Variants in NRG1 observed in about 807,000 individuals in gnomAD.
The protein encoded by NRG1 is pro-neuregulin-1, membrane-bound isoform.
NRG1 carries 18 observed loss-of-function variants against 63.8 expected under a neutral mutation model. That is an observed-to-expected ratio of 0.28 (90% CI 0.19 to 0.42). The LOEUF (loss-of-function observed/expected upper bound fraction) is 0.42, where lower values mean the gene tolerates loss of function less well. NRG1 is among the 10% of genes least tolerant of loss of function. The pLI, the probability that NRG1 is intolerant of heterozygous loss-of-function variation, is 1.00. For synonymous variants in NRG1, 302 were observed against 301.3 expected, an observed-to-expected ratio of 1.00 and a Z score of -0.02; for missense variants, 762 against 814.7, an observed-to-expected ratio of 0.94 and a Z score of 0.79.
chr8:32,705,906 G>A (rs1816284508), intron 5 of NRG1, among the ~76,000 whole-genome samples: 1 of 152,124 alleles, frequency 6.6e-6, no homozygotes, highest in Non-Finnish European at 1.5e-5. Context: ...TAGTTACAAG[G>A]AATTGCCCAA....
At position 32,069,259 on chromosome 8, in the gene NRG1, A is replaced by G. The variant is rs1222643444; in HGVS notation, c.37+429828A>G. 3.3e-5 allele frequency among the ~76,000 whole-genome samples: 5 copies of G among 152,328 alleles called. No homozygotes were observed. In the South Asian group the frequency reaches 8.3e-4, roughly 25 times the overall value. Reference sequence around the variant, plus strand: ...ACAAAGAGTAGTAGATGAATTATACATTTGGATACTGTTGGAAAGGGAGAG... The same window carrying G: ...ACAAAGAGTAGTAGATGAATTATACGTTTGGATACTGTTGGAAAGGGAGAG... On this transcript the variant is annotated intron_variant, in intron 1 of 10. Transcript: ENST00000519301.
At chr8:32,668,741 G>A (rs1162919748) in intron 5 of NRG1, among the ~76,000 whole-genome samples, 1 of 152,034 alleles carries the variant, frequency 6.6e-6, no homozygotes, top group East Asian at 1.9e-4. Flanking sequence ...TCAGCAAATA[G>A]GAGTTTCCTT....
chr8:32,453,428 G>A (rs1234383373), intron 1 of NRG1, among the ~76,000 whole-genome samples: 1 of 152,126 alleles, frequency 6.6e-6, no homozygotes, highest in Non-Finnish European at 1.5e-5. Context: ...ACCGTATAAG[G>A]GGTGTATGCA....
chr8:31,670,838 A>G (rs1385270993), intron 1 of NRG1, among the ~76,000 whole-genome samples: 3 of 152,004 alleles, frequency 2.0e-5, no homozygotes, highest in African/African-American at 7.3e-5. Flanking sequence ...GGGGGTGCAT[A>G]TGCAGGTTTG....
chr8:32,692,781 T>C (rs1194073088), intron 5 of NRG1, among the ~76,000 whole-genome samples: 1 of 152,150 alleles, frequency 6.6e-6, no homozygotes, highest in African/African-American at 2.4e-5. Flanking sequence ...GCCGAGTGCA[T>C]GGGATACTAG....
At chr8:32,346,442 C>A (rs936073266) in intron 1 of NRG1, among the ~76,000 whole-genome samples, 1 of 151,218 alleles carries the variant, frequency 6.6e-6, no homozygotes, top group African/African-American at 2.4e-5. Context: ...TGTGTATAAC[C>A]ATAAGCATGC....
intron 1 of NRG1, among the ~76,000 whole-genome samples, chr8:32,403,953 AAGCAGGT>A (rs1813585041): frequency 6.6e-6 from 1 of 152,196 alleles, no homozygotes; most frequent in African/African-American, 2.4e-5. Flanking sequence ...CCACCTTCCC[AAGCAGGT>A]AGTGCCTTTA....
chr8:32,350,208 A>G (rs540367780), intron 1 of NRG1, among the ~76,000 whole-genome samples: 1 of 152,342 alleles, frequency 6.6e-6, no homozygotes, highest in Non-Finnish European at 1.5e-5. Context: ...TGCTATAAAC[A>G]GAGAATAATA....
chr8:32,418,740 T>G lies in NRG1; in HGVS notation c.38-177088T>G, dbSNP rs562215765. ...GTAAAATTTGTAAAGCTATTGACTG[T>G]CAGTAAATATGTTTAAGAAACAGTT... is the stretch of plus-strand genomic sequence containing the variant. On this transcript the variant is annotated intron_variant, in intron 1 of 10. Transcript: ENST00000519301. Among the ~76,000 whole-genome samples the G allele has an allele frequency of 3.3e-5, 5 of 152,310 alleles. No homozygotes were observed. In the South Asian group the frequency reaches 1.0e-3, roughly 32 times the overall value.
chr8:31,843,128 A>AC (rs770591849), intron 1 of NRG1, among the ~76,000 whole-genome samples: 9 of 151,988 alleles, frequency 5.9e-5, no homozygotes, highest in Non-Finnish European at 5.9e-5. Context: ...GAAAAAAAAA[A>AC]CACCTTTTAT....
chr8:32,378,048 G>T (rs920902681), intron 1 of NRG1, among the ~76,000 whole-genome samples: 1 of 152,264 alleles, frequency 6.6e-6, no homozygotes, highest in African/African-American at 2.4e-5. Context: ...CAGATGAAAG[G>T]CTCTGTGCCC....
intron 1 of NRG1, among the ~76,000 whole-genome samples, chr8:31,644,856 TTGAA>T: frequency 1.3e-5 from 2 of 152,232 alleles, no homozygotes; most frequent in African/African-American, 4.8e-5. Context: ...TTAAATATGG[TTGAA>T]TGATCTGAAA....
chr8:32,617,593 T>A (rs1847605886), intron 5 of NRG1, among the ~76,000 whole-genome samples: 1 of 152,358 alleles, frequency 6.6e-6, no homozygotes, highest in Admixed American at 6.5e-5. Context: ...ATTTTGATAC[T>A]CAACAGGGGA....
intron 1 of NRG1, among the ~76,000 whole-genome samples, chr8:31,986,003 A>C (rs2346374): frequency 2.0e-5 from 3 of 151,908 alleles, no homozygotes; most frequent in Non-Finnish European, 1.5e-5. Flanking sequence ...ATTATTAGAC[A>C]TCCATTTATA....
At chr8:32,762,755 T>C (rs996382645) in intron 11 of NRG1, among the ~76,000 whole-genome samples, 2 of 152,212 alleles carry the variant, frequency 1.3e-5, no homozygotes, top group Non-Finnish European at 2.9e-5. Context: ...ACATTTTTTA[T>C]CAAAAGCTGA....
chr8:32,616,905 C>G lies in NRG1; in HGVS notation c.502+20C>G. Reference sequence around the variant, plus strand: ...CTTCATGTAAGTATACTTAAATATTCTATTCACTGGTTTTTAACCCAAGGC... The same window carrying G: ...CTTCATGTAAGTATACTTAAATATTGTATTCACTGGTTTTTAACCCAAGGC... On this transcript the variant is annotated intron_variant, in intron 5 of 11. Transcript: ENST00000356819. 1 of 1,544,122 alleles carries G rather than the reference C, an allele frequency of 6.5e-7. No homozygotes were observed. Among genetic ancestry groups the G allele is most frequent in the Non-Finnish European group, 9.0e-7 (1 of 1,117,006 alleles).
At chr8:32,538,201 G>A (rs1395119886) in intron 1 of NRG1, among the ~76,000 whole-genome samples, 2 of 152,116 alleles carry the variant, frequency 1.3e-5, no homozygotes, top group Non-Finnish European at 1.5e-5. Context: ...GAGATTGGGG[G>A]ATGGCGGAGG....
Position 32,416,012 on chromosome 8 carries a change from CGTGA to C in NRG1, c.38-179813_38-179810del, listed in dbSNP as rs1172409677. Among the ~76,000 whole-genome samples, 7 of 152,318 alleles carry C rather than the reference CGTGA, an allele frequency of 4.6e-5. No homozygotes were observed. The South Asian group carries it at 8.3e-4, about 18-fold the overall frequency. On this transcript the variant is annotated intron_variant, in intron 1 of 10. Coordinates refer to the NRG1 transcript ENST00000519301. ...AATGACAATACACTGCAGACACTTT[CGTGA>C]GTAAGTTGCTAAAGCGTCAGTAAAA...
chr8:32,048,090 T>A (rs79198964), intron 1 of NRG1, among the ~76,000 whole-genome samples: 12,770 of 151,928 alleles, frequency 0.084, 1,732 homozygotes, highest in African/African-American at 0.29. Flanking sequence ...TCCTTCTTTA[T>A]TACAGTTGAA....
Sources: allele counts gnomAD v4.1 joint callset (sites outside exome capture counted in the v4.1 genomes callset), GRCh38; gene constraint gnomAD v4.1.1; transcripts MANE v1.5; gene names NCBI Gene and HGNC (gene_info 2026-07-23, HGNC 2026-07-21).